Variants in PTPRM observed in about 807,000 individuals in gnomAD.
PTPRM encodes the protein receptor-type tyrosine-protein phosphatase mu.
Under a neutral mutation model 186.7 loss-of-function variants are expected in PTPRM, and 47 were observed. The observed-to-expected ratio is 0.25, with a 90% CI of 0.20 to 0.32. The LOEUF is 0.32. Among genes scored for constraint, PTPRM ranks in the 10% least tolerant of loss-of-function variants. PTPRM has a pLI of 1.00. For synonymous variants in PTPRM, 668 were observed against 674.9 expected, an observed-to-expected ratio of 0.99 and a Z score of 0.16; for missense variants, 1,494 against 1,865.0, an observed-to-expected ratio of 0.80 and a Z score of 3.66.
intron 2 of PTPRM, among the ~76,000 whole-genome samples, chr18:7,835,503 T>C (rs1411958663): frequency 6.6e-6 from 1 of 152,146 alleles, no homozygotes; most frequent in Non-Finnish European, 1.5e-5. Flanking sequence ...TAACATATGG[T>C]CTCTCCTTGA....
chr18:8,067,911 T>C (rs79203582), intron 7 of PTPRM, among the ~76,000 whole-genome samples: 10,447 of 152,264 alleles, frequency 0.069, 496 homozygotes, highest in Middle Eastern at 0.27. Context: ...ATCTTTATTA[T>C]ATTGTACATT....
intron 14 of PTPRM, among the ~76,000 whole-genome samples, chr18:8,223,677 G>T (rs2094180777): frequency 6.6e-6 from 1 of 152,150 alleles, no homozygotes; most frequent in Non-Finnish European, 1.5e-5. Context: ...CAGTTTTGCT[G>T]TCCTCTCCCC....
chr18:8,174,832 C>T (rs1020974588), intron 14 of PTPRM, among the ~76,000 whole-genome samples: 4 of 152,192 alleles, frequency 2.6e-5, no homozygotes, highest in Non-Finnish European at 5.9e-5. Flanking sequence ...ATTAAATCTA[C>T]AAGTAGAGCC....
At chr18:7,600,301 A>C (rs2037368379) in intron 1 of PTPRM, among the ~76,000 whole-genome samples, 1 of 152,176 alleles carries the variant, frequency 6.6e-6, no homozygotes, top group Non-Finnish European at 1.5e-5. Context: ...CATGCCTCGA[A>C]GGCCAGCCAT....
intron 8 of PTPRM, among the ~76,000 whole-genome samples, chr18:8,071,216 C>T (rs1348081703): frequency 2.0e-5 from 3 of 152,152 alleles, no homozygotes; most frequent in African/African-American, 7.2e-5. Flanking sequence ...CTCTCATCTC[C>T]CAGAAGAGGA....
rs1200916379 is a variant in PTPRM, at chr18:8,318,884, T to A, written c.2920-294T>A. 2.0e-5 allele frequency among the ~76,000 whole-genome samples: 3 copies of A among 152,368 alleles called. No homozygotes were observed. The East Asian group carries it at 5.8e-4, about 29-fold the overall frequency. On this transcript the variant is annotated intron_variant, in intron 21 of 32. Coordinates refer to ENST00000580170, the MANE Select transcript of PTPRM (RefSeq NM_001105244.2). ...GTTTGTTTGCACTTTGTAAGAGTAA[T>A]GCTCATGTTATTTCAGAGAATCCAT...
At chr18:7,907,650 G>A (rs1210218615) in intron 4 of PTPRM, among the ~76,000 whole-genome samples, 2 of 152,174 alleles carry the variant, frequency 1.3e-5, no homozygotes, top group Non-Finnish European at 2.9e-5. Context: ...GGCAATTGGT[G>A]TCACTAGGAA....
chr18:7,627,347 A>C (rs1289108132), intron 1 of PTPRM, among the ~76,000 whole-genome samples: 2 of 152,202 alleles, frequency 1.3e-5, no homozygotes, highest in Non-Finnish European at 2.9e-5. Flanking sequence ...TCCAGCAGCC[A>C]GGCGGGGAAG....
At chr18:7,913,846 T>C (rs920381815) in intron 4 of PTPRM, among the ~76,000 whole-genome samples, 3 of 152,144 alleles carry the variant, frequency 2.0e-5, no homozygotes, top group African/African-American at 7.2e-5. Flanking sequence ...ATAAAGCCCT[T>C]CTAAACCCAT....
Position 7,804,806 on chromosome 18 carries a change from A to C in PTPRM, c.196+30535A>C, listed in dbSNP as rs562843132. ...CTGACTGTCTCTTTCAGTCTTTGTC[A>C]GCAGATTTAATCTCACTTCCAGTAA... On this transcript the variant is annotated intron_variant, in intron 2 of 32. Coordinates refer to ENST00000580170, the MANE Select transcript of PTPRM (RefSeq NM_001105244.2). Among the ~76,000 whole-genome samples, 4 of 152,318 alleles carry C rather than the reference A, an allele frequency of 2.6e-5. No homozygotes were observed. The South Asian group carries it at 6.2e-4, about 24-fold the overall frequency.
At chr18:8,249,047 C>T (rs561133569) in intron 17 of PTPRM, among the ~76,000 whole-genome samples, 1 of 152,256 alleles carries the variant, frequency 6.6e-6, no homozygotes, top group East Asian at 1.9e-4. Context: ...CGGCTGTGTT[C>T]TCTTTCTACT....
chr18:8,274,112 G>A lies in PTPRM; in HGVS notation c.2754+20698G>A, dbSNP rs543989948. Among the ~76,000 whole-genome samples, 11 of 152,250 alleles carry A rather than the reference G, an allele frequency of 7.2e-5. 1 individual carries two copies. Among genetic ancestry groups the A allele is most frequent in the Middle Eastern group, 6.8e-3 (2 of 294 alleles). ...GTGTTGCTCACTGTCATGCTGTTTCGTGCTTTGTTGGTGGGGACTAAATCT... is the reference window on the plus strand; with the variant it reads ...GTGTTGCTCACTGTCATGCTGTTTCATGCTTTGTTGGTGGGGACTAAATCT... On this transcript the variant is annotated intron_variant, in intron 19 of 32. Transcript: ENST00000580170.
intron 7 of PTPRM, among the ~76,000 whole-genome samples, chr18:8,034,065 G>C (rs1464424676): frequency 6.6e-6 from 1 of 151,822 alleles, no homozygotes; most frequent in East Asian, 1.9e-4. Context: ...GAAAGGTACA[G>C]ATTATTGGAT....
chr18:8,123,955 G>C (rs1410215705), intron 13 of PTPRM, among the ~76,000 whole-genome samples: 1 of 152,170 alleles, frequency 6.6e-6, no homozygotes, highest in Non-Finnish European at 1.5e-5. Context: ...TTCAGATGAA[G>C]CATGCTGTTT....
chr18:7,953,770 G>A (rs2053128419), intron 6 of PTPRM, among the ~76,000 whole-genome samples: 1 of 152,156 alleles, frequency 6.6e-6, no homozygotes, highest in South Asian at 2.1e-4. Flanking sequence ...TAGCTTCTCT[G>A]AGGTCCTCTG....
intron 14 of PTPRM, among the ~76,000 whole-genome samples, chr18:8,201,680 C>T (rs919070578): frequency 6.6e-6 from 1 of 152,130 alleles, no homozygotes; most frequent in South Asian, 2.1e-4. Flanking sequence ...TTGCTGTGCC[C>T]TCTCGTAGAA....
Position 8,323,996 on chromosome 18 carries a change from T to C in PTPRM, c.2956+4782T>C, listed in dbSNP as rs2095361179. ...TCTATGGACCTCAGGTTATGAACTT[T>C]ACTTTGGTCAGAAACATTAAAAGCT... On this transcript the variant is annotated intron_variant, in intron 22 of 32. Transcript: ENST00000580170. 4.6e-5 allele frequency among the ~76,000 whole-genome samples: 7 copies of C among 152,206 alleles called. No individual in the cohort carries two copies. In the South Asian group the frequency reaches 1.4e-3, roughly 32 times the overall value.
chr18:7,854,031 T>C (rs1348906281), intron 2 of PTPRM, among the ~76,000 whole-genome samples: 1 of 152,226 alleles, frequency 6.6e-6, no homozygotes, highest in Non-Finnish European at 1.5e-5. Context: ...ATTGGCCATT[T>C]GTTAGAATGC....
intron 1 of PTPRM, chr18:7,751,110 G>A (rs1814380943): frequency 6.6e-6 from 1 of 152,172 alleles, no homozygotes; most frequent in Admixed American, 6.5e-5. Context: ...CAGCCTCGAA[G>A]ATAAGCCCTT....
Sources: gnomAD v4.1 joint callset for allele counts (sites outside exome capture counted in the v4.1 genomes callset) on GRCh38, gnomAD v4.1.1 for gene constraint, MANE v1.5 for transcripts, NCBI Gene and HGNC (gene_info 2026-07-23, HGNC 2026-07-21) for gene names.